The following PLA2G7 variants were observed in gnomAD, a reference collection of about 807,000 sequenced individuals.
PLA2G7 encodes platelet-activating factor acetylhydrolase.
PLA2G7 carries 63 observed loss-of-function variants against 49.6 expected under a neutral mutation model. That is an observed-to-expected ratio of 1.27 (90% CI 1.04 to 1.57). The LOEUF (loss-of-function observed/expected upper bound fraction) is 1.57, where lower values mean the gene tolerates loss of function less well. Ranked by LOEUF, PLA2G7 falls within the 40% of genes most tolerant of loss-of-function variation. The pLI is 0.00. For synonymous variants in PLA2G7, 193 were observed against 169.9 expected (o/e 1.14, Z -1.06); for missense variants, 596 against 521.2 (o/e 1.14, Z -1.40).
intron 1 of PLA2G7, among the ~76,000 whole-genome samples, chr6:46,726,737 G>A (rs149683226): frequency 2.1e-3 from 316 of 152,122 alleles, no homozygotes; most frequent in African/African-American, 7.3e-3. Flanking sequence ...CGCCTTCCAG[G>A]TTCAAGTGAT....
intron 1 of PLA2G7, among the ~76,000 whole-genome samples, chr6:46,729,876 T>A (rs1301278311): frequency 6.6e-6 from 1 of 152,252 alleles, no homozygotes; most frequent in Non-Finnish European, 1.5e-5. Flanking sequence ...ACCATTGCTC[T>A]CAAGCTGTAC....
intron 1 of PLA2G7, among the ~76,000 whole-genome samples, chr6:46,731,655 T>C (rs1057155843): frequency 6.6e-6 from 1 of 152,154 alleles, no homozygotes; most frequent in African/African-American, 2.4e-5. Context: ...GAAAATAATA[T>C]AATAAGACAT....
At chr6:46,714,092 C>G (rs1209838426) in intron 5 of PLA2G7, among the ~76,000 whole-genome samples, 1 of 152,196 alleles carries the variant, frequency 6.6e-6, no homozygotes, top group African/African-American at 2.4e-5. Context: ...CTTCTCTTGC[C>G]TTCACAGATA....
rs1215702667 is a variant in PLA2G7, at chr6:46,716,588, G to A, written c.232-60C>T. 10 of 1,567,280 alleles carry A rather than the reference G, an allele frequency of 6.4e-6. No homozygotes were observed. In the South Asian group the frequency reaches 1.0e-4, roughly 16 times the overall value. Reference sequence around the variant, plus strand: ...GTTGTGTCTCAAACATATTCCAGCAGCTATTTTGCATATTTAATTAGTGGG... The same window carrying A: ...GTTGTGTCTCAAACATATTCCAGCAACTATTTTGCATATTTAATTAGTGGG... On this transcript the variant is annotated intron_variant, in intron 3 of 11. Transcript: ENST00000274793.
intron 5 of PLA2G7, among the ~76,000 whole-genome samples, chr6:46,713,474 C>A (rs911206904): frequency 2.0e-5 from 3 of 152,140 alleles, no homozygotes; most frequent in African/African-American, 7.2e-5. Flanking sequence ...TCTAATAAAA[C>A]TTTATAGAAA....
At chr6:46,731,372 T>TA (rs1765730610) in intron 1 of PLA2G7, among the ~76,000 whole-genome samples, 1 of 152,224 alleles carries the variant, frequency 6.6e-6, no homozygotes, top group Non-Finnish European at 1.5e-5. Context: ...TTCAGTTATC[T>TA]ACAAATCTTT....
chr6:46,705,556 G>C (rs1338523652), intron 10 of PLA2G7, among the ~76,000 whole-genome samples: 2 of 152,134 alleles, frequency 1.3e-5, no homozygotes, highest in African/African-American at 4.8e-5. Context: ...CTTGATTTTA[G>C]AAGAAATGAT....
intron 1 of PLA2G7, among the ~76,000 whole-genome samples, chr6:46,726,270 C>T (rs1765570935): frequency 2.6e-5 from 4 of 152,080 alleles, no homozygotes; most frequent in African/African-American, 9.7e-5. Flanking sequence ...TAAAGCACTC[C>T]AATATTATAA....
chr6:46,712,258 A>AG lies in PLA2G7; in HGVS notation c.539+10dup. ...GTTGGCCAAAGAGCCCAATTATATC[A>AG]GGTAACATACCTGTGTTCTACAGCA... On this transcript the variant is annotated intron_variant, in intron 6 of 11. Transcript: ENST00000274793. The AG allele has an allele frequency of 4.4e-6, 7 of 1,581,044 alleles. No homozygotes were observed. Among genetic ancestry groups the AG allele is most frequent in the Non-Finnish European group, 5.2e-6 (6 of 1,149,938 alleles).
intron 8 of PLA2G7, 104 bp from the exon 9 acceptor site, chr6:46,709,522 A>C (rs1764941581): frequency 2.8e-6 from 2 of 727,082 alleles, no homozygotes; most frequent in Admixed American, 3.9e-5. Context: ...GGTTAAATAC[A>C]TTGATTTCTT....
chr6:46,732,384 CA>C (rs1364595160), intron 1 of PLA2G7, among the ~76,000 whole-genome samples: 2 of 151,812 alleles, frequency 1.3e-5, no homozygotes, highest in African/African-American at 4.8e-5. Context: ...CACACACACA[CA>C]CACACACACA....
intron 1 of PLA2G7, among the ~76,000 whole-genome samples, chr6:46,731,782 T>A (rs1490029084): frequency 6.6e-6 from 1 of 152,228 alleles, no homozygotes; most frequent in African/African-American, 2.4e-5. Context: ...TTCATTTGTT[T>A]ATTAGTTTTT....
At chr6:46,734,427 A>T (rs1453626823) in intron 1 of PLA2G7, among the ~76,000 whole-genome samples, 330 of 1,476 alleles carry the variant, frequency 0.22, 19 homozygotes, top group African/African-American at 0.35. Context: ...AGAGAGAGAG[A>T]GAGAGAGAGA....
At chr6:46,709,199 A>C (rs1764927230) in intron 9 of PLA2G7, 128 bp downstream of exon 9, 2 of 657,070 alleles carry the variant, frequency 3.0e-6, no homozygotes, top group Non-Finnish European at 5.4e-6. Context: ...TTATGGGGGC[A>C]AAAGAATAGC....
At position 46,705,220 on chromosome 6, in the gene PLA2G7, G is replaced by C; in HGVS notation, c.1122C>G (p.Asp374Glu). 1.9e-6 allele frequency: 3 copies of C among 1,607,116 alleles called. No individual in the cohort carries two copies. Among genetic ancestry groups the C allele is most frequent in the Non-Finnish European group, 2.6e-6 (3 of 1,173,916 alleles). The change falls in exon 11 of 12, where the codon GAC becomes GAG. Residue 374 changes from aspartate (D) to glutamate (E), a missense_variant. By Grantham distance (45) the Asp-to-Glu change is conservative. Transcript: ENST00000274793. ...IIGHMLKLKG[D>E]IDSNVAIDLS... ...GATCAATAGCTACATTTGAATCTATGTCTCCCTTTAATTTGAGCATGTGTC... is the reference window on the plus strand; with the variant it reads ...GATCAATAGCTACATTTGAATCTATCTCTCCCTTTAATTTGAGCATGTGTC...
At chr6:46,727,625 T>C (rs544314164) in intron 1 of PLA2G7, among the ~76,000 whole-genome samples, 1 of 152,352 alleles carries the variant, frequency 6.6e-6, no homozygotes, top group East Asian at 1.9e-4. Context: ...GAATTAATGT[T>C]AATCAGTTGA....
rs1353862966 is a variant in PLA2G7 at position 46,714,482 on chromosome 6, A to G, written c.448T>C (p.Ser150Pro). Residue 150 changes from serine to proline, a missense_variant, in exon 5 of 12, where the codon TCT (serine) becomes CCT (proline). By Grantham distance (74) the Ser-to-Pro change is moderately conservative. Transcript: ENST00000274793. ...TACCTGAATGCCCCAAGACCATGAG[A>G]AAAAACAACAAGTGGATATTTTTCA... ...PGEKYPLVVF[S>P]HGLGAFRTLY... 1.2e-6 allele frequency: 2 copies of G among 1,612,022 alleles called. No homozygotes were observed. Among genetic ancestry groups the G allele is most frequent in the African/African-American group, 2.7e-5 (2 of 74,782 alleles).
In PLA2G7 at chr6:46,728,027, T is replaced by C. The variant is rs534107790; in HGVS notation, c.-34-5102A>G. On this transcript the variant is annotated intron_variant, in intron 1 of 11. Transcript: ENST00000274793. Reference sequence around the variant, plus strand: ...TTACAGCAGCAATAGAAAACTAATATGGAGCATATAAAGTAACTGAATGAG... The same window carrying C: ...TTACAGCAGCAATAGAAAACTAATACGGAGCATATAAAGTAACTGAATGAG... 5.3e-5 allele frequency among the ~76,000 whole-genome samples: 8 copies of C among 152,302 alleles called. No homozygotes were observed. The South Asian group carries it at 1.2e-3, about 24-fold the overall frequency.
At position 46,711,528 on chromosome 6, in the gene PLA2G7, G is replaced by T; in HGVS notation, c.631C>A (p.Gln211Lys). 6.2e-7 allele frequency: 1 copy of T among 1,613,676 alleles called. No individual in the cohort carries two copies. The change falls in exon 7 of 12, where the codon CAA becomes AAA. Residue 211 changes from glutamine to lysine, a missense_variant. Coordinates refer to ENST00000274793, the MANE Select transcript of PLA2G7 (RefSeq NM_005084.4). Reference protein sequence around the residue: ...KSWLYLRTLKQEEETHIRNEQ... With the variant: ...KSWLYLRTLKKEEETHIRNEQ... ...TTTCGTATATGTGTCTCCTCCTCTTGTTTCAGGGTTCTAAGGTAGAGCCAA... is the reference window on the plus strand; with the variant it reads ...TTTCGTATATGTGTCTCCTCCTCTTTTTTCAGGGTTCTAAGGTAGAGCCAA...
Sources: gnomAD v4.1 joint callset for allele counts (sites outside exome capture counted in the v4.1 genomes callset) on GRCh38, gnomAD v4.1.1 for gene constraint, MANE v1.5 for transcripts, NCBI Gene and HGNC (gene_info 2026-07-23, HGNC 2026-07-21) for gene names.